The following CEP97 variants were observed in gnomAD, a reference collection of about 807,000 sequenced individuals.
The protein encoded by CEP97 is centrosomal protein of 97 kDa.
Under a neutral mutation model 73.1 loss-of-function variants are expected in CEP97, and 43 were observed. That is an observed-to-expected ratio of 0.59 (90% CI 0.46 to 0.76). The LOEUF (loss-of-function observed/expected upper bound fraction) is 0.76. CEP97 is among the 30% of genes least tolerant of loss of function. CEP97 has a pLI of 0.00. For synonymous variants in CEP97, 337 were observed against 370.0 expected, an observed-to-expected ratio of 0.91 and a Z score of 1.02; for missense variants, 939 against 1,014.0, an observed-to-expected ratio of 0.93 and a Z score of 1.00.
rs1938312231 is a variant in CEP97 at position 101,737,445 on chromosome 3, A to G, written c.728+4791A>G. 2.0e-5 allele frequency among the ~76,000 whole-genome samples: 3 copies of G among 152,146 alleles called. No homozygotes were observed. In the South Asian group the frequency reaches 6.2e-4, roughly 32 times the overall value. ...AAAATGTTAAGGGCAACCAGTGAGT[A>G]AAGTCAAGTTACAAAGGGAAGCCCA... On this transcript the variant is annotated intron_variant, in intron 6 of 10. Coordinates refer to ENST00000341893, the MANE Select transcript of CEP97 (RefSeq NM_024548.4).
chr3:101,752,862 GT>G (rs1227626110), intron 6 of CEP97, among the ~76,000 whole-genome samples: 1 of 152,088 alleles, frequency 6.6e-6, no homozygotes, highest in Non-Finnish European at 1.5e-5. Flanking sequence ...GCTCGGAGTA[GT>G]TTGATCTTCT....
intron 6 of CEP97, among the ~76,000 whole-genome samples, chr3:101,736,055 C>T (rs1938266352): frequency 6.6e-6 from 1 of 152,196 alleles, no homozygotes; most frequent in Non-Finnish European, 1.5e-5. Flanking sequence ...TGGTTTTCCC[C>T]TCACAGTGTA....
At position 101,727,383 on chromosome 3, in the gene CEP97, T is replaced by C. The variant is rs1937927675; in HGVS notation, c.187T>C (p.Leu63=). The part of the protein sequence containing the change: ...NLEKCKRLIQ[L]SVANNRLVRM... ...ATAACAATATGTTTCCTTTTTACAGTTATCAGTAGCTAATAATCGGCTGGT... is the reference window on the plus strand; with the variant it reads ...ATAACAATATGTTTCCTTTTTACAGCTATCAGTAGCTAATAATCGGCTGGT... The change falls in exon 3 of 11, where the codon TTA becomes CTA. Residue 63 remains leucine, a splice_region_variant and synonymous_variant. Transcript: ENST00000341893. 1 of 1,609,336 alleles carries C rather than the reference T, an allele frequency of 6.2e-7. No homozygotes were observed.
At chr3:101,726,563 G>T (rs1396238606) in intron 1 of CEP97, 31 bp from the exon 2 acceptor site, 2 of 1,537,492 alleles carry the variant, frequency 1.3e-6, no homozygotes. Context: ...TATTTTATTT[G>T]TGTTTTCTAA....
chr3:101,753,031 A>G (rs1280758727), intron 6 of CEP97, among the ~76,000 whole-genome samples: 1 of 151,834 alleles, frequency 6.6e-6, no homozygotes, highest in Non-Finnish European at 1.5e-5. Flanking sequence ...GGTTTTATCT[A>G]CTTTTGGTCT....
At chr3:101,753,759 G>A (rs1017537668) in intron 6 of CEP97, among the ~76,000 whole-genome samples, 3 of 152,216 alleles carry the variant, frequency 2.0e-5, no homozygotes, top group Admixed American at 6.5e-5. Context: ...CGTTGGAAAA[G>A]CGCAGTATTA....
chr3:101,748,276 G>A (rs902017801), intron 6 of CEP97, among the ~76,000 whole-genome samples: 4 of 151,188 alleles, frequency 2.6e-5, no homozygotes, highest in African/African-American at 9.7e-5. Flanking sequence ...AATTTGTGTA[G>A]GGATAAGTTT....
rs1003324531 is a variant in CEP97 at position 101,770,506 on chromosome 3, C to T, written c.*4955C>T. On this transcript the variant is annotated 3_prime_UTR_variant, in exon 11 of 11. Coordinates refer to ENST00000341893, the MANE Select transcript of CEP97 (RefSeq NM_024548.4). The stretch of plus-strand genomic sequence containing the variant: ...TGAAGGCTTACTATTTTATATTGTA[C>T]TTATTTAATTTGTATTTGAGTCTGT... The T allele has an allele frequency of 1.3e-5, 2 of 152,044 alleles. No homozygotes were observed. The highest frequency in any genetic ancestry group is 4.8e-5 in the African/African-American group (2 of 41,374). 9.4% of individuals were successfully genotyped at this position (152,044 alleles called of 1,614,324 possible).
intron 6 of CEP97, among the ~76,000 whole-genome samples, chr3:101,735,711 G>A (rs2107141951): frequency 6.6e-6 from 1 of 152,264 alleles, no homozygotes; most frequent in East Asian, 1.9e-4. Context: ...CACACACCAG[G>A]AGATTCCCTC....
rs562449526 is a variant in CEP97, at chr3:101,763,466, C to T, written c.1893+906C>T. ...CCTCAAGTGATCCTTCTGCTGCAACCTCCCAAGCAGCTGGGACTACAGGCA... is the reference window on the plus strand; with the variant it reads ...CCTCAAGTGATCCTTCTGCTGCAACTTCCCAAGCAGCTGGGACTACAGGCA... On this transcript the variant is annotated intron_variant, in intron 10 of 10. Transcript: ENST00000341893. 1.4e-3 allele frequency among the ~76,000 whole-genome samples: 219 copies of T among 151,664 alleles called. 9 individuals are homozygous for T. In the South Asian group the frequency reaches 0.045, roughly 31 times the overall value.
rs1939388684 is a variant in CEP97 at position 101,768,965 on chromosome 3, T to A, written c.*3414T>A. On this transcript the variant is annotated 3_prime_UTR_variant, in exon 11 of 11. Transcript: ENST00000341893. Reference sequence around the variant, plus strand: ...GAAAATGTTCATTTATTTAGTCATATAATCGTTTGTATATATGTAAATAAC... The same window carrying A: ...GAAAATGTTCATTTATTTAGTCATAAAATCGTTTGTATATATGTAAATAAC... 6.6e-6 allele frequency: 1 copy of A among 152,218 alleles called. No homozygotes were observed. Among genetic ancestry groups the A allele is most frequent in the African/African-American group, 2.4e-5 (1 of 41,454 alleles). 9.4% of individuals were successfully genotyped at this position (152,218 alleles called of 1,614,324 possible).
intron 6 of CEP97, among the ~76,000 whole-genome samples, chr3:101,742,173 G>T (rs1938480666): frequency 6.6e-6 from 1 of 152,154 alleles, no homozygotes; most frequent in African/African-American, 2.4e-5. Context: ...GGAAGACAGT[G>T]TGGCAATTCC....
At chr3:101,755,799 T>A (rs1938988350) in intron 7 of CEP97, among the ~76,000 whole-genome samples, 1 of 151,764 alleles carries the variant, frequency 6.6e-6, no homozygotes, top group Non-Finnish European at 1.5e-5. Flanking sequence ...AATAGAGGGG[T>A]TTTTTTGTTT....
intron 6 of CEP97, among the ~76,000 whole-genome samples, chr3:101,752,103 C>T (rs563267644): frequency 1.3e-5 from 2 of 152,294 alleles, no homozygotes; most frequent in East Asian, 1.9e-4. Context: ...GACAAAATCT[C>T]TCAGCATTTG....
chr3:101,754,966 C>T lies in CEP97; in HGVS notation c.729-464C>T, dbSNP rs578232281. Among the ~76,000 whole-genome samples, 12 of 149,468 alleles carry T rather than the reference C, an allele frequency of 8.0e-5. No individual in the cohort carries two copies. In the South Asian group the frequency reaches 1.1e-3, roughly 13 times the overall value. ...ATAAGGTTGACAGGTATGATTATAG[C>T]GCACTATAGCCTCACACACCTGACC... On this transcript the variant is annotated intron_variant, in intron 6 of 10. Coordinates refer to ENST00000341893, the MANE Select transcript of CEP97 (RefSeq NM_024548.4).
At chr3:101,738,011 CAAAAAAAAAAAA>C (rs770745532) in intron 6 of CEP97, among the ~76,000 whole-genome samples, 1 of 44,222 alleles carries the variant, frequency 2.3e-5, no homozygotes, top group Non-Finnish European at 3.9e-5. Flanking sequence ...AAATGGAAAG[CAAAAAAAAAAAA>C]AAAAAAAAAA....
chr3:101,741,947 C>T (rs1427794561), intron 6 of CEP97, among the ~76,000 whole-genome samples: 1 of 151,466 alleles, frequency 6.6e-6, no homozygotes, highest in Non-Finnish European at 1.5e-5. Context: ...GGGGCTGAGG[C>T]AGGAGAGTCG....
chr3:101,744,393 G>A (rs1938550677), intron 6 of CEP97, among the ~76,000 whole-genome samples: 1 of 152,096 alleles, frequency 6.6e-6, no homozygotes, highest in African/African-American at 2.4e-5. Flanking sequence ...AGACCAGCCT[G>A]ACCAACTTGG....
In CEP97 at chr3:101,758,047, C is replaced by G. The variant is rs1236618911; in HGVS notation, c.1441C>G (p.Leu481Val). The stretch of plus-strand genomic sequence containing the variant: ...TACAGAGGTAAATGAGAAAGCTGGA[C>G]TATTACCTTGTCCTGAGCCAACAAT... The part of the protein sequence containing the change: ...INTEVNEKAG[L>V]LPCPEPTIIS... Residue 481 changes from leucine to valine, a missense_variant, in exon 9 of 11, where the codon CTA becomes GTA. Coordinates refer to ENST00000341893, the MANE Select transcript of CEP97 (RefSeq NM_024548.4). 1.2e-6 allele frequency: 2 copies of G among 1,614,224 alleles called. No individual in the cohort carries two copies. Among genetic ancestry groups the G allele is most frequent in the South Asian group, 1.1e-5 (1 of 91,092 alleles).
Sources: gnomAD v4.1 joint callset for allele counts (sites outside exome capture counted in the v4.1 genomes callset) on GRCh38, gnomAD v4.1.1 for gene constraint, MANE v1.5 for transcripts, NCBI Gene and HGNC (gene_info 2026-07-23, HGNC 2026-07-21) for gene names.